Variants in SLC2A9 observed in about 807,000 individuals in gnomAD.
The protein encoded by SLC2A9 is solute carrier family 2 member 9, also known as solute carrier family 2, facilitated glucose transporter member 9.
In SLC2A9, 39 loss-of-function variants were observed where a neutral mutation model predicts 50.6. That is an observed-to-expected ratio of 0.77 (90% CI 0.60 to 1.01). The LOEUF (loss-of-function observed/expected upper bound fraction) is 1.01, where lower values mean the gene tolerates loss of function less well. SLC2A9 is among the 50% of genes least tolerant of loss of function. The probability of loss-of-function intolerance (pLI) is 0.00; values close to 1 mark genes in which losing one functional copy is unlikely to be tolerated. For missense variants in SLC2A9, 686 were observed against 677.6 expected, an observed-to-expected ratio of 1.01 and a Z score of -0.14; for synonymous variants, 324 against 276.9, an observed-to-expected ratio of 1.17 and a Z score of -1.69.
intron 5 of SLC2A9, among the ~76,000 whole-genome samples, chr4:9,966,158 G>A (rs1753016978): frequency 6.6e-6 from 1 of 152,128 alleles, no homozygotes; most frequent in South Asian, 2.1e-4. Flanking sequence ...ATGCCCTTGT[G>A]CCCTGCCAGC....
chr4:9,824,781 C>T (rs1160141123), downstream of SLC2A9, among the ~76,000 whole-genome samples: 1 of 152,110 alleles, frequency 6.6e-6, no homozygotes, highest in Non-Finnish European at 1.5e-5. Context: ...TAAAAGAGAA[C>T]ACCAAAAAGC....
At chr4:9,895,608 G>A (rs2109840330) in intron 8 of SLC2A9, among the ~76,000 whole-genome samples, 1 of 152,328 alleles carries the variant, frequency 6.6e-6, no homozygotes, top group Non-Finnish European at 1.5e-5. Flanking sequence ...AGCACCCAGT[G>A]CCCTTCCCCA....
chr4:9,838,613 A>G (rs1195159879), intron 10 of SLC2A9, among the ~76,000 whole-genome samples: 6 of 152,106 alleles, frequency 3.9e-5, no homozygotes, highest in African/African-American at 1.4e-4. Flanking sequence ...AATACTACAG[A>G]ATTATAGTAA....
At chr4:9,960,892 C>T (rs1560391753) in intron 5 of SLC2A9, among the ~76,000 whole-genome samples, 1 of 152,136 alleles carries the variant, frequency 6.6e-6, no homozygotes, top group Non-Finnish European at 1.5e-5. Context: ...GCCTTCAAGG[C>T]TAGACTGAGG....
chr4:9,844,296 C>T (rs1040415541), intron 10 of SLC2A9, among the ~76,000 whole-genome samples: 75 of 152,088 alleles, frequency 4.9e-4, no homozygotes, highest in Middle Eastern at 6.8e-3. Flanking sequence ...TCTCCTTCCC[C>T]CACTCATTTT....
At chr4:9,782,342 G>A (rs1370604791) in intron 3 of SLC2A9, 4 of 1,614,048 alleles carry the variant, frequency 2.5e-6, no homozygotes, top group Non-Finnish European at 2.5e-6. Context: ...CGAGGTGGCC[G>A]GTTACTGGCC....
At chr4:10,023,058 A>G (rs1214011218), upstream of SLC2A9, among the ~76,000 whole-genome samples, 1 of 152,206 alleles carries the variant, frequency 6.6e-6, no homozygotes, top group African/African-American at 2.4e-5. Flanking sequence ...CCTTAATTAT[A>G]ACATGACCTA....
chr4:9,869,171 T>A (rs908417873), intron 10 of SLC2A9, among the ~76,000 whole-genome samples: 2 of 152,198 alleles, frequency 1.3e-5, no homozygotes, highest in African/African-American at 4.8e-5. Context: ...GGATCTGGAC[T>A]TTTCCACAGA....
rs561756528 is a variant in SLC2A9, at chr4:9,965,154, A to G, written c.681+15438T>C. Among the ~76,000 whole-genome samples, 31 of 152,336 alleles carry G rather than the reference A, an allele frequency of 2.0e-4. No individual in the cohort carries two copies. In the South Asian group the frequency reaches 4.1e-3, roughly 20 times the overall value. ...CCATTATTAATGCTATTGTATAGGT[A>G]ACAAATTAGGCTTGGAGAGGTTAGC... On this transcript the variant is annotated intron_variant, in intron 5 of 11. Coordinates refer to ENST00000264784, the MANE Select transcript of SLC2A9 (RefSeq NM_020041.3).
chr4:10,018,309 C>A (rs1021908424), intron 2 of SLC2A9, among the ~76,000 whole-genome samples: 7 of 152,182 alleles, frequency 4.6e-5, no homozygotes, highest in African/African-American at 1.7e-4. Flanking sequence ...CTTTGGGAGG[C>A]CAAGGTGGGC....
chr4:9,952,925 T>C lies in SLC2A9; in HGVS notation c.682-10880A>G, dbSNP rs116882299. Among the ~76,000 whole-genome samples the C allele has an allele frequency of 6.6e-4, 100 of 152,342 alleles. 2 individuals carry two copies. In the East Asian group the frequency reaches 0.018, roughly 27 times the overall value. On this transcript the variant is annotated intron_variant, in intron 5 of 11. Coordinates refer to ENST00000264784, the MANE Select transcript of SLC2A9 (RefSeq NM_020041.3). Reference sequence around the variant, plus strand: ...CTGCATTCCAGAAGCGGTCGGGTCATTTTCTGCTATGGTCAATTTCTATTC... The same window carrying C: ...CTGCATTCCAGAAGCGGTCGGGTCACTTTCTGCTATGGTCAATTTCTATTC...
At chr4:9,883,684 T>TAACC (rs1158711740) in intron 10 of SLC2A9, among the ~76,000 whole-genome samples, 1 of 152,204 alleles carries the variant, frequency 6.6e-6, no homozygotes, top group African/African-American at 2.4e-5. Context: ...CTTCTGGGTT[T>TAACC]AACCAATCAC....
chr4:9,890,741 C>G (rs370260342), intron 8 of SLC2A9, 30 bp from the exon 9 acceptor site: 1 of 1,544,080 alleles, frequency 6.5e-7, no homozygotes, highest in Admixed American at 1.7e-5. Context: ...AGAGAGAGAG[C>G]TATTATTCCA....
intron 5 of SLC2A9, among the ~76,000 whole-genome samples, chr4:9,973,713 G>A (rs1287665848): frequency 9.0e-6 from 1 of 111,078 alleles, no homozygotes; most frequent in Non-Finnish European, 1.7e-5. Flanking sequence ...GCCTGTTGTG[G>A]GGTGGGGGGA....
chr4:9,780,651 C>A (rs1718224707), intron 3 of SLC2A9, among the ~76,000 whole-genome samples: 1 of 152,228 alleles, frequency 6.6e-6, no homozygotes, highest in Non-Finnish European at 1.5e-5. Context: ...GCTGCTGTCA[C>A]ATCCCTTTCT....
chr4:10,036,951 G>A (rs993813272), intron 1 of SLC2A9, among the ~76,000 whole-genome samples: 1 of 152,316 alleles, frequency 6.6e-6, no homozygotes, highest in South Asian at 2.1e-4. Flanking sequence ...AGCAAGCGGG[G>A]CCTCTAGACT....
At position 9,942,984 on chromosome 4, in the gene SLC2A9, T is replaced by C. The variant is rs189087981; in HGVS notation, c.682-939A>G. Among the ~76,000 whole-genome samples the C allele has an allele frequency of 1.8e-4, 27 of 152,290 alleles. No homozygotes were observed. The East Asian group carries it at 2.7e-3, about 15-fold the overall frequency. On this transcript the variant is annotated intron_variant, in intron 5 of 11. Coordinates refer to ENST00000264784, the MANE Select transcript of SLC2A9 (RefSeq NM_020041.3). ...TCAGACCTGAAAAGACTTCACATGA[T>C]AGGCAGAGGTTCTGTTGGCTTCAGG...
In SLC2A9 at chr4:9,937,530, G is replaced by A. The variant is rs572153348; in HGVS notation, c.814+4383C>T. Among the ~76,000 whole-genome samples the A allele has an allele frequency of 9.9e-5, 15 of 152,262 alleles. No homozygotes were observed. In the East Asian group the frequency reaches 2.5e-3, roughly 25 times the overall value. On this transcript the variant is annotated intron_variant, in intron 6 of 11. Coordinates refer to ENST00000264784, the MANE Select transcript of SLC2A9 (RefSeq NM_020041.3). ...TGAGGGAGGAGGGCGCTGGTCTTCC[G>A]GGAGCAGGTGACTGCCAGCAGAGAC... is the stretch of plus-strand genomic sequence containing the variant.
chr4:9,782,374 C>G (rs374043983), intron 3 of SLC2A9: 4 of 1,613,932 alleles, frequency 2.5e-6, no homozygotes, highest in Non-Finnish European at 2.5e-6. Context: ...TCTGCGACGT[C>G]TGGGTGGCCT....
Sources: gnomAD v4.1 joint callset for allele counts (sites outside exome capture counted in the v4.1 genomes callset) on GRCh38, gnomAD v4.1.1 for gene constraint, MANE v1.5 for transcripts, NCBI Gene and HGNC (gene_info 2026-07-23, HGNC 2026-07-21) for gene names.